The following MORF4L1 variants were observed in gnomAD, a reference collection of about 807,000 sequenced individuals.
MORF4L1 encodes mortality factor 4-like protein 1.
A neutral mutation model predicts 52.9 loss-of-function variants in MORF4L1; 4 were observed. The observed-to-expected ratio is 0.08, with a 90% confidence interval of 0.04 to 0.17. The LOEUF (loss-of-function observed/expected upper bound fraction) is 0.17. Ranked by LOEUF, MORF4L1 falls within the 10% of genes least tolerant of loss-of-function variation. The pLI, the probability that MORF4L1 is intolerant of heterozygous loss-of-function variation, is 1.00. For synonymous variants in MORF4L1, 123 were observed against 134.8 expected, an observed-to-expected ratio of 0.91 and a Z score of 0.61; for missense variants, 214 against 390.4, an observed-to-expected ratio of 0.55 and a Z score of 3.81.
intron 1 of MORF4L1, chr15:78,873,336 A>C (rs2056406258): frequency 1.0e-6 from 1 of 984,202 alleles, no homozygotes; most frequent in Non-Finnish European, 1.4e-6. Flanking sequence ...TGTTCTGAGG[A>C]AGAGGGCGCG....
intron 5 of MORF4L1, among the ~76,000 whole-genome samples, chr15:78,890,421 A>G (rs927278383): frequency 6.6e-5 from 10 of 151,942 alleles, no homozygotes; most frequent in East Asian, 3.8e-4. Flanking sequence ...AGTATATACT[A>G]TAACATATAT....
intron 3 of MORF4L1, among the ~76,000 whole-genome samples, chr15:78,885,618 GTGT>G (rs959069324): frequency 2.6e-5 from 4 of 152,172 alleles, no homozygotes; most frequent in African/African-American, 4.8e-5. Context: ...CATACCTTTA[GTGT>G]TGTTTTGTGT....
At chr15:78,878,173 G>A (rs1313027318) in intron 1 of MORF4L1, 40 bp from the exon 2 acceptor site, 5 of 1,578,308 alleles carry the variant, frequency 3.2e-6, no homozygotes, top group South Asian at 2.3e-5. Context: ...TTTTATATAT[G>A]AGAAGAAATT....
intron 1 of MORF4L1, among the ~76,000 whole-genome samples, chr15:78,876,784 C>T (rs993409705): frequency 6.6e-6 from 1 of 152,100 alleles, no homozygotes; most frequent in African/African-American, 2.4e-5. Flanking sequence ...TTCGTAGGTC[C>T]AGCAGCCTCT....
chr15:78,890,227 T>G (rs1485817555), intron 5 of MORF4L1, among the ~76,000 whole-genome samples: 1 of 148,148 alleles, frequency 6.8e-6, no homozygotes, highest in Admixed American at 6.7e-5. Flanking sequence ...AAAGCAAAAT[T>G]AGCAATTTAC....
chr15:78,883,001 G>A (rs552729413), intron 3 of MORF4L1, among the ~76,000 whole-genome samples: 21 of 152,210 alleles, frequency 1.4e-4, no homozygotes, highest in Non-Finnish European at 2.6e-4. Flanking sequence ...GATCATTTGA[G>A]GTCAGGAGTT....
intron 5 of MORF4L1, among the ~76,000 whole-genome samples, chr15:78,888,107 G>A (rs1229636112): frequency 6.6e-6 from 1 of 151,848 alleles, no homozygotes; most frequent in East Asian, 2.0e-4. Context: ...CTAGATTTTA[G>A]AACATCTGAT....
chr15:78,875,899 G>A (rs184857239), intron 1 of MORF4L1, among the ~76,000 whole-genome samples: 88 of 152,284 alleles, frequency 5.8e-4, no homozygotes, highest in Middle Eastern at 3.4e-3. Context: ...TTATGTAATG[G>A]TAGAGAAAAG....
At position 78,897,874 on chromosome 15, in the gene MORF4L1, C is replaced by G. The variant is rs552898145; in HGVS notation, c.*807C>G. The G allele has an allele frequency of 1.3e-5, 2 of 152,458 alleles. No homozygotes were observed. The highest frequency in any genetic ancestry group is 4.8e-5 in the African/African-American group (2 of 41,514). The allele number at this position is 152,458 out of a possible 1,614,324, so 9.4% of individuals were successfully genotyped here. On this transcript the variant is annotated 3_prime_UTR_variant, in exon 12 of 12. Transcript: ENST00000426013. ...GGAATGAGACGCTTTAGCTTTGGTA[C>G]GTAGCGCTAATCCATAGCAGCTTTG...
chr15:78,874,289 A>G (rs1257219832), intron 1 of MORF4L1, among the ~76,000 whole-genome samples: 3 of 152,202 alleles, frequency 2.0e-5, no homozygotes, highest in Non-Finnish European at 2.9e-5. Flanking sequence ...AATTCCTTTT[A>G]GAGCCGTAAA....
chr15:78,879,796 T>G (rs1476732946), intron 2 of MORF4L1, among the ~76,000 whole-genome samples: 2 of 151,756 alleles, frequency 1.3e-5, no homozygotes, highest in Non-Finnish European at 2.9e-5. Context: ...AAAAATTATG[T>G]CCTGTTAATC....
In MORF4L1 at chr15:78,893,940, A is replaced by G. The variant is rs1383637151; in HGVS notation, c.630-118A>G. ...CTGCTTTCATATGCCCTTTAAAAAA[A>G]TCTCAGCTATGGTTCATTATTACTA... is the stretch of plus-strand genomic sequence containing the variant. On this transcript the variant is annotated intron_variant, in intron 9 of 11. Transcript: ENST00000426013. 2.2e-5 allele frequency: 22 copies of G among 1,009,336 alleles called. No individual in the cohort carries two copies. In the Admixed American group the frequency reaches 2.4e-4, roughly 11 times the overall value. 62.5% of individuals were successfully genotyped at this position (1,009,336 alleles called of 1,614,324 possible).
intron 1 of MORF4L1, among the ~76,000 whole-genome samples, chr15:78,876,004 C>T (rs2056481459): frequency 6.6e-6 from 1 of 151,776 alleles, no homozygotes; most frequent in Non-Finnish European, 1.5e-5. Flanking sequence ...GTGGCGCGAT[C>T]TCGGGTCACT....
Position 78,891,547 on chromosome 15 carries a change from C to T in MORF4L1, c.413C>T (p.Ala138Val), listed in dbSNP as rs1220902547. ...ETPQPPRKKR[A>V]RVDPTVENEE... is the part of the protein sequence containing the mutation. ...CCTCAGCCTCCTCGGAAGAAAAGGG[C>T]CCGGGTAGATCCTACTGTTGAAAAT... The change falls in exon 7 of 12, where the codon GCC becomes GTC. Residue 138 changes from alanine (A) to valine (V), a missense_variant. Physicochemically the swap from Ala to Val is moderately conservative, Grantham distance 64 (BLOSUM62 0). Coordinates refer to ENST00000426013, the MANE Select transcript of MORF4L1 (RefSeq NM_006791.4). The T allele has an allele frequency of 3.1e-6, 5 of 1,613,638 alleles. No individual in the cohort carries two copies. Among genetic ancestry groups the T allele is most frequent in the Admixed American group, 3.3e-5 (2 of 59,998 alleles).
chr15:78,887,191 C>A, intron 4 of MORF4L1, 78 bp from the exon 5 acceptor site: 1 of 1,226,398 alleles, frequency 8.2e-7, no homozygotes, highest in Non-Finnish European at 1.2e-6. Context: ...ATGTAAATTC[C>A]TAATGGAATC....
intron 11 of MORF4L1, among the ~76,000 whole-genome samples, chr15:78,895,904 CTTTGGACCTCAG>C (rs751749525): frequency 7.0e-4 from 107 of 152,152 alleles, no homozygotes; most frequent in Admixed American, 1.5e-3. Flanking sequence ...TAAATACCTT[CTTTGGACCTCAG>C]TTTCTTTATG....
At chr15:78,878,290 G>A (rs1304358955) in intron 2 of MORF4L1, 31 bp downstream of exon 2, 2 of 1,602,654 alleles carry the variant, frequency 1.2e-6, no homozygotes, top group Non-Finnish European at 1.7e-6. Context: ...TGAGAAGTTG[G>A]CCAAAACTAC....
Position 78,889,040 on chromosome 15 carries a change from A to G in MORF4L1, c.323+1691A>G, listed in dbSNP as rs555094393. Among the ~76,000 whole-genome samples, 3 of 152,358 alleles carry G rather than the reference A, an allele frequency of 2.0e-5. No individual in the cohort carries two copies. The East Asian group carries it at 5.8e-4, about 29-fold the overall frequency. ...TAATTCTTTATCACTGTGCTAAGTTATTATATAGAAATCTTAAGTGGTAGT... is the reference window on the plus strand; with the variant it reads ...TAATTCTTTATCACTGTGCTAAGTTGTTATATAGAAATCTTAAGTGGTAGT... On this transcript the variant is annotated intron_variant, in intron 5 of 11. Transcript: ENST00000426013.
At chr15:78,893,727 C>A in intron 9 of MORF4L1, 100 bp downstream of exon 9, 1 of 795,796 alleles carries the variant, frequency 1.3e-6, no homozygotes, top group Non-Finnish European at 2.0e-6. Flanking sequence ...ATTAATACCA[C>A]CAGAAACTAG....
Sources: gnomAD v4.1 joint callset for allele counts (sites outside exome capture counted in the v4.1 genomes callset) on GRCh38, gnomAD v4.1.1 for gene constraint, MANE v1.5 for transcripts, NCBI Gene and HGNC (gene_info 2026-07-23, HGNC 2026-07-21) for gene names.